The following FBXO34 variants were observed in gnomAD, a reference collection of about 807,000 sequenced individuals.
The protein encoded by FBXO34 is F-box only protein 34.
In FBXO34, 12 loss-of-function variants were observed where a neutral mutation model predicts 24.5. The observed-to-expected ratio is 0.49, with a 90% CI of 0.31 to 0.79. The LOEUF is 0.79. Among genes scored for constraint, FBXO34 ranks in the 30% least tolerant of loss-of-function variants. The pLI, the probability that FBXO34 is intolerant of heterozygous loss-of-function variation, is 0.04. For missense variants in FBXO34, 823 were observed against 857.7 expected (o/e 0.96, Z 0.51); for synonymous variants, 320 against 311.9 (o/e 1.03, Z -0.27).
chr14:55,298,855 A>G, intron 1 of FBXO34: 1 of 1,612,028 alleles, frequency 6.2e-7, no homozygotes, highest in South Asian at 1.1e-5. Context: ...GCGCAGATCG[A>G]CGGTACATTA....
intron 1 of FBXO34, chr14:55,285,475 A>G (rs575770219): frequency 2.0e-5 from 3 of 151,940 alleles, no homozygotes; most frequent in African/African-American, 7.2e-5. Context: ...GCAGGTCAAA[A>G]CTCCCATGCT....
the FBXO34 span, among the ~76,000 whole-genome samples, chr14:55,410,801 C>T: frequency 1.2e-4 from 19 of 152,196 alleles, no homozygotes; most frequent in African/African-American, 3.6e-4. Context: ...GCTCAGAATG[C>T]TAGCTATCTT....
At chr14:55,436,962 CAT>C in the FBXO34 span, 9 of 1,614,052 alleles carry the variant, frequency 5.6e-6, no homozygotes, top group Non-Finnish European at 6.8e-6. Context: ...TCAGTATGTA[CAT>C]ATCATAAGGT....
At chr14:55,369,844 CTCA>C, downstream of FBXO34, 3 of 1,614,208 alleles carry the variant, frequency 1.9e-6, no homozygotes, top group East Asian at 2.2e-5. Context: ...CATCTCCGCT[CTCA>C]TCTGATTCTC....
rs1473576516 is a variant in FBXO34, at chr14:55,331,685, GTGTA to G, written c.-10-18694_-10-18691del. ...ACATGGTGTGTGTATATATATATAT[GTGTA>G]TATATATATATATATGTATATATAT... On this transcript the variant is annotated intron_variant, in intron 1 of 1. Transcript: ENST00000313833. 1.3e-4 allele frequency among the ~76,000 whole-genome samples: 4 copies of G among 31,894 alleles called. No individual in the cohort carries two copies. The South Asian group carries it at 2.8e-3, about 23-fold the overall frequency. 20.9% of individuals were successfully genotyped at this position (31,894 alleles called of 152,430 possible). A position where few individuals can be genotyped will look rare whatever the true frequency, so the allele number is the denominator to read the frequency against.
chr14:55,375,433 C>G, the FBXO34 span, among the ~76,000 whole-genome samples: 14 of 152,004 alleles, frequency 9.2e-5, no homozygotes, highest in Non-Finnish European at 1.3e-4. Context: ...GGCGACCCTC[C>G]CACCTCAGCC....
intron 1 of FBXO34, among the ~76,000 whole-genome samples, chr14:55,316,631 G>C (rs1314602629): frequency 6.6e-6 from 1 of 151,172 alleles, no homozygotes; most frequent in Non-Finnish European, 1.5e-5. Flanking sequence ...AGGTGGCTGA[G>C]GTGGGAGGAT....
Position 55,351,402 on chromosome 14 carries a change from A to G in FBXO34, c.1012A>G (p.Thr338Ala), listed in dbSNP as rs1272396149. Residue 338 changes from threonine (T) to alanine (A), a missense_variant, in exon 2 of 2, where the codon ACT (threonine) becomes GCT (alanine). Physicochemically the swap from Thr to Ala is moderately conservative, Grantham distance 58. Coordinates refer to ENST00000313833, the MANE Select transcript of FBXO34 (RefSeq NM_017943.4). ...TKKGVLEAPDTQVNPVGSVSV... is the reference protein window; with the variant it reads ...TKKGVLEAPDAQVNPVGSVSV... ...GAAAGGCGTCTTGGAGGCACCTGAC[A>G]CTCAGGTGAATCCTGTGGGGTCTGT... The G allele has an allele frequency of 1.9e-6, 3 of 1,614,000 alleles. No homozygotes were observed. The highest frequency in any genetic ancestry group is 1.3e-5 in the African/African-American group (1 of 74,894).
downstream of FBXO34, among the ~76,000 whole-genome samples, chr14:55,372,877 C>T (rs1180890051): frequency 6.6e-6 from 1 of 152,186 alleles, no homozygotes; most frequent in African/African-American, 2.4e-5. Flanking sequence ...TGGAGAAACC[C>T]ACCTGGCACG....
At chr14:55,283,966 G>GTGTGTC (rs1881658308) in intron 1 of FBXO34, among the ~76,000 whole-genome samples, 1 of 147,450 alleles carries the variant, frequency 6.8e-6, no homozygotes, top group Non-Finnish European at 1.5e-5. Flanking sequence ...GTGTGTGTGT[G>GTGTGTC]TGTGTGTGTC....
chr14:55,415,480 C>CA, the FBXO34 span, among the ~76,000 whole-genome samples: 10 of 151,834 alleles, frequency 6.6e-5, no homozygotes, highest in African/African-American at 9.7e-5. Context: ...AACAGGTACT[C>CA]AAAAAAAATA....
At chr14:55,343,948 GTTTTC>G (rs1388314273) in intron 1 of FBXO34, among the ~76,000 whole-genome samples, 6 of 152,156 alleles carry the variant, frequency 3.9e-5, no homozygotes, top group African/African-American at 1.2e-4. Context: ...TTAGGTGAGA[GTTTTC>G]TTTTCTTTAC....
At chr14:55,300,343 A>C (rs1261142351) in intron 1 of FBXO34, among the ~76,000 whole-genome samples, 3 of 152,208 alleles carry the variant, frequency 2.0e-5, no homozygotes, top group Non-Finnish European at 2.9e-5. Flanking sequence ...CTGCAATCCC[A>C]GCACTTTAGG....
chr14:55,307,372 A>G (rs1179567977), intron 1 of FBXO34, among the ~76,000 whole-genome samples: 2 of 152,206 alleles, frequency 1.3e-5, no homozygotes, highest in Non-Finnish European at 2.9e-5. Context: ...CTTTTCGTGG[A>G]GGCAAGCAAA....
chr14:55,342,026 A>G (rs1884009694), intron 1 of FBXO34, among the ~76,000 whole-genome samples: 1 of 126,448 alleles, frequency 7.9e-6, no homozygotes, highest in African/African-American at 2.7e-5. Context: ...AATACTGTCA[A>G]ACTATTAGGT....
At chr14:55,344,782 T>TC (rs1453603310) in intron 1 of FBXO34, among the ~76,000 whole-genome samples, 1 of 151,998 alleles carries the variant, frequency 6.6e-6, no homozygotes, top group Non-Finnish European at 1.5e-5. Flanking sequence ...CCATGTGTTC[T>TC]CATTGTTCAA....
chr14:55,324,131 A>T (rs141792935), intron 1 of FBXO34, among the ~76,000 whole-genome samples: 2,122 of 150,368 alleles, frequency 0.014, 36 homozygotes, highest in African/African-American at 0.045. Context: ...CAACTGTTGT[A>T]CTTTCTGTCT....
chr14:55,324,694 T>A (rs1404363914), intron 1 of FBXO34, among the ~76,000 whole-genome samples: 1 of 152,168 alleles, frequency 6.6e-6, no homozygotes, highest in Non-Finnish European at 1.5e-5. Flanking sequence ...TGCCATTGTG[T>A]GTATGCTATT....
chr14:55,432,240 C>T, the FBXO34 span, among the ~76,000 whole-genome samples: 1 of 109,962 alleles, frequency 9.1e-6, no homozygotes, highest in South Asian at 3.4e-4. Flanking sequence ...AAACCCCCGT[C>T]TCTACAAAAA....
Sources: allele counts gnomAD v4.1 joint callset (sites outside exome capture counted in the v4.1 genomes callset), GRCh38; gene constraint gnomAD v4.1.1; transcripts MANE v1.5; gene names NCBI Gene and HGNC (gene_info 2026-07-23, HGNC 2026-07-21).